UBR4: variants seen among roughly 807,000 people sequenced by gnomAD.
The protein encoded by UBR4 is E3 ubiquitin-protein ligase UBR4.
UBR4 carries 124 observed loss-of-function variants against 575.6 expected under a neutral mutation model. That is an observed-to-expected ratio of 0.22 (90% CI 0.19 to 0.25). The LOEUF (loss-of-function observed/expected upper bound fraction) is 0.25, where lower values mean the gene tolerates loss of function less well. Among genes scored for constraint, UBR4 ranks in the 10% least tolerant of loss-of-function variants. The probability of loss-of-function intolerance (pLI) is 1.00; values close to 1 mark genes in which losing one functional copy is unlikely to be tolerated. For missense variants in UBR4, 4,818 were observed against 6,478.8 expected, an observed-to-expected ratio of 0.74 and a Z score of 8.80; for synonymous variants, 2,455 against 2,473.7, an observed-to-expected ratio of 0.99 and a Z score of 0.22.
At position 19,097,253 on chromosome 1, in the gene UBR4, T is replaced by TA; in HGVS notation, c.13329dup (p.Met4444TyrfsTer14). Reference sequence around the variant, plus strand: ...GTGGCATCGCCCAGCAGCCCCCGCATACGATAAACAATCCTCATGGGCTCT... The same window carrying TA: ...GTGGCATCGCCCAGCAGCCCCCGCATAACGATAAACAATCCTCATGGGCTCT... On this transcript the variant is annotated frameshift_variant, in exon 91 of 106. Transcript: ENST00000375254. LOFTEE classifies it high-confidence loss of function. 6.2e-7 allele frequency: 1 copy of TA among 1,613,728 alleles called. No homozygotes were observed. Among genetic ancestry groups the TA allele is most frequent in the Non-Finnish European group, 8.5e-7 (1 of 1,179,802 alleles).
intron 58 of UBR4, among the ~76,000 whole-genome samples, chr1:19,140,353 C>T (rs1223964139): frequency 6.6e-6 from 1 of 152,148 alleles, no homozygotes; most frequent in Admixed American, 6.5e-5. Flanking sequence ...TCACACTGAA[C>T]AAGAATTCTG....
intron 11 of UBR4, 32 bp downstream of exon 11, chr1:19,192,146 GAAATAAAACA>G: frequency 6.3e-7 from 1 of 1,582,282 alleles, no homozygotes; most frequent in Non-Finnish European, 8.6e-7. Flanking sequence ...AAATGTTAGC[GAAATAAAACA>G]AAATATAAGT....
Position 19,168,147 on chromosome 1 carries a change from C to G in UBR4, c.3779G>C (p.Ser1260Thr), listed in dbSNP as rs141595407. The part of the protein sequence containing the change: ...AFANDTIPSE[S>T]YISAVQAAHL... ...TGCAGCCTGCACTGCACTAATATAA[C>G]TCTCTGAAGGGATGGTGTCATTGGC... Residue 1260 changes from serine to threonine, a missense_variant, in exon 28 of 106, where the codon AGT becomes ACT. By Grantham distance (58) the Ser-to-Thr change is moderately conservative. This residue lies in a region of UBR4 where 1,172 missense variants were observed against 1,259.7 expected (regional missense o/e 0.93). Coordinates refer to ENST00000375254, the MANE Select transcript of UBR4 (RefSeq NM_020765.3). 1.2e-5 allele frequency: 19 copies of G among 1,600,540 alleles called. No homozygotes were observed. The highest frequency in any genetic ancestry group is 1.5e-5 in the Non-Finnish European group (18 of 1,170,610).
At chr1:19,185,736 C>T (rs981595237) in intron 14 of UBR4, among the ~76,000 whole-genome samples, 7 of 151,864 alleles carry the variant, frequency 4.6e-5, no homozygotes, top group South Asian at 2.1e-4. Context: ...ATGTGCCTGG[C>T]TAATTTTTGA....
intron 83 of UBR4, 82 bp downstream of exon 83, chr1:19,106,487 A>G (rs1007610786): frequency 1.4e-6 from 2 of 1,464,570 alleles, no homozygotes; most frequent in Non-Finnish European, 1.8e-6. Context: ...CAGTGCAGAC[A>G]CATGGTGAGG....
intron 53 of UBR4, 104 bp from the exon 54 acceptor site, chr1:19,145,011 T>A (rs147681467): frequency 7.3e-7 from 1 of 1,377,238 alleles, no homozygotes; most frequent in African/African-American, 1.5e-5. Flanking sequence ...TAAAAGGTCA[T>A]GCAAACAAAA....
Position 19,161,068 on chromosome 1 carries a change from G to A in UBR4, c.5255C>T (p.Ser1752Leu). The A allele has an allele frequency of 6.2e-7, 1 of 1,614,116 alleles. No individual in the cohort carries two copies. The highest frequency in any genetic ancestry group is 8.5e-7 in the Non-Finnish European group (1 of 1,180,026). ...GCTGGCATGACGCACTAGACTCTCTGAAATCCTGGGTTCACTCTGAAATGC... is the reference window on the plus strand; with the variant it reads ...GCTGGCATGACGCACTAGACTCTCTAAAATCCTGGGTTCACTCTGAAATGC... Reference protein sequence around the residue: ...ESAFQSEPRISESLVRHASTS... With the variant: ...ESAFQSEPRILESLVRHASTS... Residue 1752 changes from serine to leucine, a missense_variant, in exon 38 of 106, where the codon TCA becomes TTA. Physicochemically the swap from Ser to Leu is moderately radical, Grantham distance 145 (BLOSUM62 -2). Transcript: ENST00000375254.
intron 60 of UBR4, among the ~76,000 whole-genome samples, chr1:19,136,983 T>TTA (rs2083272141): frequency 6.6e-6 from 1 of 152,006 alleles, no homozygotes; most frequent in Non-Finnish European, 1.5e-5. Flanking sequence ...ACCATTTTTT[T>TTA]TACCTGATAG....
intron 16 of UBR4, 23 bp downstream of exon 16, chr1:19,183,993 A>G: frequency 1.2e-6 from 2 of 1,613,988 alleles, no homozygotes; most frequent in South Asian, 2.2e-5. Flanking sequence ...AAAATCCATC[A>G]GGCACATATC....
intron 8 of UBR4, among the ~76,000 whole-genome samples, chr1:19,193,767 G>C (rs1571711956): frequency 1.3e-5 from 2 of 151,870 alleles, no homozygotes; most frequent in Admixed American, 1.3e-4. Context: ...ACTTACACGC[G>C]CGCACACACA....
chr1:19,091,465 T>C (rs1488994481), intron 97 of UBR4, among the ~76,000 whole-genome samples: 1 of 152,194 alleles, frequency 6.6e-6, no homozygotes, highest in African/African-American at 2.4e-5. Context: ...AACGCAATGC[T>C]GAGGACTCTC....
At chr1:19,142,155 C>T (rs893951037) in intron 55 of UBR4, among the ~76,000 whole-genome samples, 2 of 152,172 alleles carry the variant, frequency 1.3e-5, no homozygotes, top group Admixed American at 6.5e-5. Flanking sequence ...GGGATCTTTA[C>T]CTTTTGTCTG....
chr1:19,184,152 A>T lies in UBR4; in HGVS notation c.1962T>A (p.Ile654=). 6.2e-7 allele frequency: 1 copy of T among 1,614,172 alleles called. No individual in the cohort carries two copies. Among genetic ancestry groups the T allele is most frequent in the Non-Finnish European group, 8.5e-7 (1 of 1,180,004 alleles). ...PELFLGLASN[I]LNFITSSMLN... ...GCATGGAAGAGGTGATGAAGTTCAAAATGTTGGAAGCCAGACCTAAGAACT... is the reference window on the plus strand; with the variant it reads ...GCATGGAAGAGGTGATGAAGTTCAATATGTTGGAAGCCAGACCTAAGAACT... Residue 654 remains isoleucine (I), a synonymous_variant, in exon 16 of 106, where the codon ATT becomes ATA. Coordinates refer to ENST00000375254, the MANE Select transcript of UBR4 (RefSeq NM_020765.3).
intron 8 of UBR4, among the ~76,000 whole-genome samples, chr1:19,195,969 TACACACACACACACAC>T (rs55820713): frequency 8.3e-4 from 112 of 134,140 alleles, no homozygotes; most frequent in African/African-American, 2.1e-3. Context: ...GACTTACTTA[TACACACACACACACAC>T]ACACACACAC....
At chr1:19,074,980 G>A (rs988112288) in intron 105 of UBR4, 84 bp from the exon 106 acceptor site, 7 of 1,438,040 alleles carry the variant, frequency 4.9e-6, no homozygotes, top group Admixed American at 1.9e-5. Flanking sequence ...GCATCTAGCA[G>A]AGAACACACT....
At position 19,160,967 on chromosome 1, in the gene UBR4, T is replaced by C. The variant is rs776299892; in HGVS notation, c.5356A>G (p.Ser1786Gly). The change falls in exon 38 of 106, where the codon AGC becomes GGC. Residue 1786 changes from serine to glycine, a missense_variant. By Grantham distance (56) the Ser-to-Gly change is moderately conservative. Coordinates refer to ENST00000375254, the MANE Select transcript of UBR4 (RefSeq NM_020765.3). ...CCCTCTACTGTGCGGCAGAGGCTGC[T>C]CTTCTTGGGCTTCTCTTCGTCAGCA... ...KVADEEKPKK[S>G]SLCRTVEGCR... 1.1e-5 allele frequency: 18 copies of C among 1,614,184 alleles called. No individual in the cohort carries two copies. In the South Asian group the frequency reaches 1.4e-4, roughly 13 times the overall value.
intron 67 of UBR4, 142 bp downstream of exon 67, chr1:19,121,792 T>C: frequency 9.4e-7 from 1 of 1,064,934 alleles, no homozygotes. Context: ...TTTACTTGTC[T>C]TCTTTGCTAG....
In UBR4 at chr1:19,089,627, A is replaced by C. The variant is rs576118770; in HGVS notation, c.14212-650T>G. 6.6e-6 allele frequency among the ~76,000 whole-genome samples: 1 copy of C among 152,252 alleles called. No homozygotes were observed. Among genetic ancestry groups the C allele is most frequent in the Non-Finnish European group, 1.5e-5 (1 of 68,052 alleles). On this transcript the variant is annotated intron_variant, in intron 97 of 105. Coordinates refer to ENST00000375254, the MANE Select transcript of UBR4 (RefSeq NM_020765.3). This position sits in a 1 kb window ranked among gnomAD's most constrained non-coding sequence, Gnocchi z 4.3. The stretch of plus-strand genomic sequence containing the variant: ...GGTGGAGAACATCAGAAGGCTAAAG[A>C]CAGGTGTAGTTGGAAAAAGCACTCC...
intron 52 of UBR4, 23 bp downstream of exon 52, chr1:19,146,803 A>G (rs772200982): frequency 6.2e-7 from 1 of 1,605,182 alleles, no homozygotes; most frequent in Admixed American, 1.7e-5. Context: ...TCTCAGGACC[A>G]CGGCCACAGA....
Sources: gnomAD v4.1 joint callset for allele counts (sites outside exome capture counted in the v4.1 genomes callset) on GRCh38, gnomAD v4.1.1 for gene constraint, gnomAD v4.1.1 regional missense constraint, Gnocchi (gnomAD v3.1) non-coding constraint, MANE v1.5 for transcripts, NCBI Gene and HGNC (gene_info 2026-07-23, HGNC 2026-07-21) for gene names.